The following AMD1 variants were observed in gnomAD, a reference collection of about 807,000 sequenced individuals.
AMD1 encodes the protein adenosylmethionine decarboxylase 1.
A neutral mutation model predicts 40.2 loss-of-function variants in AMD1; 11 were observed. The ratio of observed to expected loss-of-function variants is 0.27; its 90% CI spans 0.17 to 0.45. The LOEUF (loss-of-function observed/expected upper bound fraction) is 0.45. Ranked by LOEUF, AMD1 falls within the 20% of genes least tolerant of loss-of-function variation. The pLI, the probability that AMD1 is intolerant of heterozygous loss-of-function variation, is 1.00. For synonymous variants in AMD1, 121 were observed against 130.8 expected, an observed-to-expected ratio of 0.93 and a Z score of 0.51; for missense variants, 257 against 410.2, an observed-to-expected ratio of 0.63 and a Z score of 3.23.
chr6:110,874,533 T>C (rs1229097920), upstream of AMD1, among the ~76,000 whole-genome samples: 1 of 152,050 alleles, frequency 6.6e-6, no homozygotes, highest in Non-Finnish European at 1.5e-5. Flanking sequence ...CTGCGTTCGA[T>C]CCGAGGTTTC....
chr6:110,866,719 G>C, the AMD1 span, among the ~76,000 whole-genome samples: 16 of 152,214 alleles, frequency 1.1e-4, no homozygotes, highest in African/African-American at 3.9e-4. Flanking sequence ...TTCAGAGGGT[G>C]GGGGAAGGGA....
At chr6:110,828,299 G>A in the AMD1 span, among the ~76,000 whole-genome samples, 33 of 152,196 alleles carry the variant, frequency 2.2e-4, no homozygotes, top group Non-Finnish European at 4.1e-4. Context: ...GGTATGGGTG[G>A]CAGGCACCTG....
chr6:110,815,274 G>A, the AMD1 span: 7 of 1,016,714 alleles, frequency 6.9e-6, no homozygotes, highest in South Asian at 2.6e-5. Flanking sequence ...GCCGCCCGCC[G>A]CTCCGCGGTC....
chr6:110,847,870 C>T, the AMD1 span, among the ~76,000 whole-genome samples: 1 of 151,538 alleles, frequency 6.6e-6, no homozygotes, highest in Non-Finnish European at 1.5e-5. Flanking sequence ...CACCACCATG[C>T]CCAGCTAATT....
chr6:110,825,433 T>G, the AMD1 span, among the ~76,000 whole-genome samples: 2 of 152,234 alleles, frequency 1.3e-5, no homozygotes, highest in African/African-American at 2.4e-5. Context: ...TCTTAAATCT[T>G]ACTTTGTATA....
At chr6:110,835,645 C>T in the AMD1 span, among the ~76,000 whole-genome samples, 4 of 152,188 alleles carry the variant, frequency 2.6e-5, no homozygotes, top group South Asian at 8.3e-4. Context: ...GCGGGCAGAT[C>T]ACCTGAGGTC....
chr6:110,889,972 T>C (rs1785918294), intron 3 of AMD1: 1 of 273,524 alleles, frequency 3.7e-6, no homozygotes, highest in African/African-American at 2.2e-5. Context: ...GTGTTAATAG[T>C]TGTTATGACC....
the AMD1 span, among the ~76,000 whole-genome samples, chr6:110,861,830 C>T: frequency 1.2e-4 from 18 of 151,780 alleles, no homozygotes; most frequent in Non-Finnish European, 2.1e-4. Flanking sequence ...GCTCTTGCAA[C>T]AGAGCAAGAC....
intron 3 of AMD1, 104 bp downstream of exon 3, chr6:110,889,087 A>G (rs1303387659): frequency 8.6e-6 from 12 of 1,389,574 alleles, no homozygotes; most frequent in Admixed American, 2.2e-5. Context: ...CTTTGTTACA[A>G]TGCATGCAAA....
At chr6:110,849,210 T>C in the AMD1 span, among the ~76,000 whole-genome samples, 1 of 152,226 alleles carries the variant, frequency 6.6e-6, no homozygotes, top group Non-Finnish European at 1.5e-5. Context: ...ATCTGTACTA[T>C]TCTTGAGTGT....
chr6:110,869,610 A>T, the AMD1 span, among the ~76,000 whole-genome samples: 2 of 150,596 alleles, frequency 1.3e-5, no homozygotes, highest in East Asian at 3.9e-4. Context: ...ACCAGATTCA[A>T]GCTATTCTCC....
At chr6:110,875,933 CGGCCGCTGA>C (rs1337633554) in intron 1 of AMD1, among the ~76,000 whole-genome samples, 2 of 152,178 alleles carry the variant, frequency 1.3e-5, no homozygotes, top group African/African-American at 2.4e-5. Flanking sequence ...GCCCTCGACA[CGGCCGCTGA>C]GGCCGCTGGG....
chr6:110,848,675 T>A, the AMD1 span: 1 of 410,398 alleles, frequency 2.4e-6, no homozygotes, highest in South Asian at 2.4e-5. Context: ...ATGGATACTA[T>A]GATACCTGAG....
chr6:110,855,065 C>CTCT, the AMD1 span, among the ~76,000 whole-genome samples: 1 of 80,446 alleles, frequency 1.2e-5, no homozygotes, highest in African/African-American at 4.9e-5. Context: ...CTCTCTCTCT[C>CTCT]TTTTTTTTTT....
At chr6:110,855,032 C>G in the AMD1 span, among the ~76,000 whole-genome samples, 19 of 141,402 alleles carry the variant, frequency 1.3e-4, no homozygotes, top group African/African-American at 4.7e-4. Flanking sequence ...TCTTCACATT[C>G]TCTAATTGCA....
At chr6:110,838,241 T>C in the AMD1 span, among the ~76,000 whole-genome samples, 1 of 150,774 alleles carries the variant, frequency 6.6e-6, no homozygotes, top group Non-Finnish European at 1.5e-5. Context: ...GTACAAAAAT[T>C]AGCCGGGTGT....
chr6:110,818,255 C>CA, the AMD1 span, among the ~76,000 whole-genome samples: 1 of 152,048 alleles, frequency 6.6e-6, no homozygotes, highest in African/African-American at 2.4e-5. Context: ...ATGTACACTC[C>CA]AATCAGGAGC....
the AMD1 span, among the ~76,000 whole-genome samples, chr6:110,837,800 C>A: frequency 1.9e-4 from 24 of 126,610 alleles, no homozygotes; most frequent in Admixed American, 8.8e-5. Context: ...CGGTGGCTCA[C>A]ACCTCTAATC....
Position 110,874,964 on chromosome 6 carries a change from TA to T in AMD1, c.-138del. 1 of 628,058 alleles carries T rather than the reference TA, an allele frequency of 1.6e-6. No individual in the cohort carries two copies. Among genetic ancestry groups the T allele is most frequent in the Non-Finnish European group, 2.7e-6 (1 of 370,196 alleles). The allele number at this position is 628,058 out of a possible 1,614,324, so 38.9% of individuals were successfully genotyped here. A position where few individuals can be genotyped will look rare whatever the true frequency, so the allele number is the denominator to read the frequency against. ...GTCCTTTTTTTAAAAAAAGTTAATA[TA>T]AAATTATAGCAAAAAAAAAAAGGAA... is the stretch of plus-strand genomic sequence containing the variant. On this transcript the variant is annotated 5_prime_UTR_variant, in exon 1 of 9. Transcript: ENST00000368885.
Sources: gnomAD v4.1 joint callset for allele counts (sites outside exome capture counted in the v4.1 genomes callset) on GRCh38, gnomAD v4.1.1 for gene constraint, MANE v1.5 for transcripts, NCBI Gene and HGNC (gene_info 2026-07-23, HGNC 2026-07-21) for gene names.